The following TNR variants were observed in gnomAD, a reference collection of about 807,000 sequenced individuals.
The protein encoded by TNR is tenascin R, also known as tenascin-R.
A neutral mutation model predicts 150.4 loss-of-function variants in TNR; 45 were observed. That is an observed-to-expected ratio of 0.30 (90% CI 0.24 to 0.38). The LOEUF is 0.38. TNR is among the 10% of genes least tolerant of loss of function. The pLI is 1.00. For missense variants in TNR, 1,544 were observed against 1,759.1 expected, an observed-to-expected ratio of 0.88 and a Z score of 2.19; for synonymous variants, 687 against 678.4, an observed-to-expected ratio of 1.01 and a Z score of -0.20.
intron 2 of TNR, among the ~76,000 whole-genome samples, chr1:175,497,362 A>G (rs1658533219): frequency 6.6e-6 from 1 of 152,204 alleles, no homozygotes; most frequent in Non-Finnish European, 1.5e-5. Flanking sequence ...AAGGCAAGGG[A>G]CCAGGAAGAA....
At chr1:175,408,897 C>A (rs955946526) in intron 2 of TNR, among the ~76,000 whole-genome samples, 3 of 152,174 alleles carry the variant, frequency 2.0e-5, no homozygotes, top group Non-Finnish European at 2.9e-5. Flanking sequence ...AAGCCCAATC[C>A]TTAACACAGC....
At chr1:175,688,221 G>A (rs1405383981) in intron 1 of TNR, among the ~76,000 whole-genome samples, 1 of 152,176 alleles carries the variant, frequency 6.6e-6, no homozygotes, top group Non-Finnish European at 1.5e-5. Context: ...GTACAGGGAG[G>A]AGCCCCAGTC....
intron 1 of TNR, among the ~76,000 whole-genome samples, chr1:175,626,624 G>A (rs181634615): frequency 2.3e-3 from 353 of 152,172 alleles, no homozygotes; most frequent in African/African-American, 8.0e-3. Context: ...GAAATAAACC[G>A]TATATGTTTT....
chr1:175,541,910 G>A (rs1044008249), intron 1 of TNR, among the ~76,000 whole-genome samples: 1 of 152,140 alleles, frequency 6.6e-6, no homozygotes, highest in Non-Finnish European at 1.5e-5. Context: ...GACCACATTT[G>A]TCCTACCGAG....
At chr1:175,594,036 C>T (rs1287307959) in intron 1 of TNR, among the ~76,000 whole-genome samples, 24 of 152,168 alleles carry the variant, frequency 1.6e-4, no homozygotes. Context: ...ATCTCCCCTC[C>T]CTGTTACTTT....
At chr1:175,618,679 C>A (rs902016832) in intron 1 of TNR, among the ~76,000 whole-genome samples, 1 of 152,188 alleles carries the variant, frequency 6.6e-6, no homozygotes, top group African/African-American at 2.4e-5. Flanking sequence ...CCGTTGCTTA[C>A]AGCAGGGAGT....
intron 18 of TNR, among the ~76,000 whole-genome samples, chr1:175,342,174 T>C (rs74695724): frequency 6.6e-6 from 1 of 152,228 alleles, no homozygotes; most frequent in African/African-American, 2.4e-5. Context: ...AAATATAACC[T>C]TGAGCTCTAA....
At chr1:175,613,098 T>A (rs539697673) in intron 1 of TNR, among the ~76,000 whole-genome samples, 2 of 152,328 alleles carry the variant, frequency 1.3e-5, no homozygotes, top group East Asian at 3.9e-4. Context: ...TTAGGAGAGT[T>A]AGAAAGCAGT....
chr1:175,330,052 T>A (rs773910833), intron 21 of TNR, 22 bp downstream of exon 21: 1 of 1,530,210 alleles, frequency 6.5e-7, no homozygotes, highest in Non-Finnish European at 8.9e-7. Context: ...GTCCTTGGGG[T>A]CTGCTCAGGA....
At chr1:175,377,150 A>T (rs897224462) in intron 9 of TNR, among the ~76,000 whole-genome samples, 2 of 152,048 alleles carry the variant, frequency 1.3e-5, no homozygotes, top group African/African-American at 4.8e-5. Context: ...CAGTTTCCTC[A>T]TCTGTAAAAT....
chr1:175,703,365 T>A (rs932371488), intron 1 of TNR, among the ~76,000 whole-genome samples: 3 of 152,222 alleles, frequency 2.0e-5, no homozygotes, highest in Non-Finnish European at 4.4e-5. Flanking sequence ...ACTTTAATAG[T>A]TTTTCCTATA....
intron 1 of TNR, among the ~76,000 whole-genome samples, chr1:175,669,670 T>C (rs1362787638): frequency 6.6e-6 from 1 of 152,114 alleles, no homozygotes; most frequent in East Asian, 1.9e-4. Flanking sequence ...TTCCAGAGGG[T>C]GCAGTCTGTG....
intron 1 of TNR, among the ~76,000 whole-genome samples, chr1:175,545,721 A>T (rs1660659351): frequency 6.6e-6 from 1 of 152,228 alleles, no homozygotes; most frequent in South Asian, 2.1e-4. Context: ...CAAACAGATG[A>T]ATAAAAGAAG....
intron 1 of TNR, among the ~76,000 whole-genome samples, chr1:175,727,992 C>T (rs1314484119): frequency 6.6e-6 from 1 of 152,202 alleles, no homozygotes; most frequent in African/African-American, 2.4e-5. Context: ...GAATTACGGT[C>T]ATTATTGTTA....
intron 1 of TNR, among the ~76,000 whole-genome samples, chr1:175,617,208 C>T (rs184606067): frequency 1.3e-5 from 2 of 152,162 alleles, no homozygotes; most frequent in African/African-American, 4.8e-5. Flanking sequence ...TTTCTGATAC[C>T]GGAACACCTT....
intron 1 of TNR, among the ~76,000 whole-genome samples, chr1:175,666,406 A>G (rs1241359990): frequency 6.6e-6 from 1 of 152,156 alleles, no homozygotes; most frequent in Non-Finnish European, 1.5e-5. Context: ...CCCAGTCTCC[A>G]AACCACCAGA....
At chr1:175,331,061 C>CT (rs1390772258) in intron 20 of TNR, among the ~76,000 whole-genome samples, 10 of 126,730 alleles carry the variant, frequency 7.9e-5, no homozygotes, top group African/African-American at 2.9e-4. Context: ...TTCTTTCTTT[C>CT]TTTCTTTCTT....
At chr1:175,668,622 G>A (rs1039126696) in intron 1 of TNR, among the ~76,000 whole-genome samples, 9 of 152,198 alleles carry the variant, frequency 5.9e-5, no homozygotes, top group African/African-American at 2.2e-4. Context: ...CTCAAAAAGA[G>A]TCAGGGACTT....
chr1:175,483,932 G>A (rs74127309), intron 2 of TNR, among the ~76,000 whole-genome samples: 1 of 152,184 alleles, frequency 6.6e-6, no homozygotes, highest in Non-Finnish European at 1.5e-5. Flanking sequence ...TCTTCTGCAA[G>A]ATTTCCATGG....
Sources: allele counts gnomAD v4.1 joint callset (sites outside exome capture counted in the v4.1 genomes callset), GRCh38; gene constraint gnomAD v4.1.1; transcripts MANE v1.5; gene names NCBI Gene and HGNC (gene_info 2026-07-23, HGNC 2026-07-21).